The following PXN variants were observed in gnomAD, a reference collection of about 807,000 sequenced individuals.
PXN encodes the protein paxillin.
Under a neutral mutation model 103.6 loss-of-function variants are expected in PXN, and 61 were observed. That is an observed-to-expected ratio of 0.59 (90% CI 0.48 to 0.73). The LOEUF is 0.73. PXN is among the 30% of genes least tolerant of loss of function. PXN has a pLI of 0.00. For missense variants in PXN, 1,274 were observed against 1,460.3 expected (o/e 0.87, Z 2.08); for synonymous variants, 562 against 607.8 (o/e 0.92, Z 1.11).
chr12:120,221,901 G>A lies in PXN; in HGVS notation c.696-143C>T, dbSNP rs1885271921. The A allele has an allele frequency of 1.6e-6, 2 of 1,283,016 alleles. No individual in the cohort carries two copies. The highest frequency in any genetic ancestry group is 5.3e-5 in the Admixed American group (2 of 37,590). The allele number at this position is 1,283,016 out of a possible 1,614,324, so 79.5% of individuals were successfully genotyped here. On this transcript the variant is annotated intron_variant, in intron 5 of 14. Transcript: ENST00000637617. The surrounding 1 kb of genome is among the most constrained non-coding windows in gnomAD (Gnocchi z 6.6). ...CCACCAGCTCCCTGTCTCTCCTGGG[G>A]ACCCATCACTGGGTCAGAAGAAAGG...
chr12:120,233,863 CTGAATGTGT>C (rs1888526415), intron 1 of PXN, among the ~76,000 whole-genome samples: 2 of 152,158 alleles, frequency 1.3e-5, no homozygotes, highest in South Asian at 4.2e-4. Flanking sequence ...CTTCACAATA[CTGAATGTGT>C]CCCACCACTA....
In PXN at chr12:120,265,725, C is replaced by G. The variant is rs1894611392; in HGVS notation, c.-96G>C. The G allele has an allele frequency of 9.1e-6, 10 of 1,095,246 alleles. No individual in the cohort carries two copies. The South Asian group carries it at 3.0e-4, about 33-fold the overall frequency. 67.8% of individuals were successfully genotyped at this position (1,095,246 alleles called of 1,614,324 possible). On this transcript the variant is annotated 5_prime_UTR_variant, in exon 1 of 15. Coordinates refer to ENST00000637617, the MANE Select transcript of PXN (RefSeq NM_001385981.1). This position sits in a 1 kb window ranked among gnomAD's most constrained non-coding sequence, Gnocchi z 5.7. ...AACTTTTCCGCCGCGAGCCTCGGCC[C>G]GGAACGGAACGCGCCGCCGCCGCGC...
chr12:120,260,127 T>C (rs567030909), intron 1 of PXN, among the ~76,000 whole-genome samples: 1 of 151,744 alleles, frequency 6.6e-6, no homozygotes, highest in Non-Finnish European at 1.5e-5. Context: ...ACTGGAGAGG[T>C]GACCAGGGAG....
intron 1 of PXN, chr12:120,227,165 G>T: frequency 1.0e-6 from 1 of 989,494 alleles, no homozygotes; most frequent in African/African-American, 1.7e-5. Context: ...ATTGTAGCAT[G>T]TCCCAGCCTG....
At chr12:120,237,797 C>T (rs956802882) in intron 1 of PXN, among the ~76,000 whole-genome samples, 8 of 152,214 alleles carry the variant, frequency 5.3e-5, no homozygotes, top group Admixed American at 6.5e-5. Flanking sequence ...CAGCTGGCGT[C>T]CCCACAGAGA....
chr12:120,215,818 A>G lies in PXN; in HGVS notation c.2302-157T>C. ...ATTGGGGGAAAAAATCTGGAGAAAAAGAGCCCTGAGAGAGAGGCCTAGGGA... is the reference window on the plus strand; with the variant it reads ...ATTGGGGGAAAAAATCTGGAGAAAAGGAGCCCTGAGAGAGAGGCCTAGGGA... On this transcript the variant is annotated intron_variant, in intron 9 of 14. Transcript: ENST00000637617. The surrounding 1 kb of genome is among the most constrained non-coding windows in gnomAD (Gnocchi z 4.9). The G allele has an allele frequency of 7.8e-7, 1 of 1,278,106 alleles. No individual in the cohort carries two copies. Among genetic ancestry groups the G allele is most frequent in the Non-Finnish European group, 1.0e-6 (1 of 965,300 alleles). 79.2% of individuals were successfully genotyped at this position (1,278,106 alleles called of 1,614,324 possible). A position where few individuals can be genotyped will look rare whatever the true frequency, so the allele number is the denominator to read the frequency against.
Position 120,221,752 on chromosome 12 carries a change from G to A in PXN, c.702C>T (p.Ala234=). 2 of 1,569,690 alleles carry A rather than the reference G, an allele frequency of 1.3e-6. No individual in the cohort carries two copies. Among genetic ancestry groups the A allele is most frequent in the South Asian group, 1.2e-5 (1 of 85,446 alleles). ...TCATCTCGCCCTGGTTCACAGTGAT[G>A]GCAGGGCTGCAGGGTGGGCACAGCA... ...LESSVPSPVP[A]ITVNQGEMSS... The change falls in exon 6 of 15, where the codon GCC becomes GCT. Residue 234 remains alanine (A), a synonymous_variant. Transcript: ENST00000637617. The surrounding 1 kb of genome is among the most constrained non-coding windows in gnomAD (Gnocchi z 6.6).
Position 120,248,433 on chromosome 12 carries a change from A to T in PXN, c.13+17184T>A, listed in dbSNP as rs572515191. ...ACTGCCCTCAGCAGACACCTGGTTG[A>T]CTATGTTTCCTCAATTACTGCACCC... On this transcript the variant is annotated intron_variant, in intron 1 of 14. Coordinates refer to ENST00000637617, the MANE Select transcript of PXN (RefSeq NM_001385981.1). Among the ~76,000 whole-genome samples the T allele has an allele frequency of 7.4e-5, 11 of 149,336 alleles. No individual in the cohort carries two copies. In the South Asian group the frequency reaches 2.4e-3, roughly 32 times the overall value.
At chr12:120,263,936 T>C (rs1172112484) in intron 1 of PXN, among the ~76,000 whole-genome samples, 1 of 151,806 alleles carries the variant, frequency 6.6e-6, no homozygotes, top group African/African-American at 2.4e-5. Flanking sequence ...GTAACTTTGC[T>C]CCCAGTTCCC....
chr12:120,238,980 T>C (rs141038241), intron 1 of PXN, among the ~76,000 whole-genome samples: 14 of 152,322 alleles, frequency 9.2e-5, no homozygotes, highest in Middle Eastern at 6.8e-3. Context: ...GGGAGCTTCG[T>C]GGTCAGCTAG....
chr12:120,216,899 C>A lies in PXN; in HGVS notation c.1934G>T (p.Gly645Val). 6.6e-7 allele frequency: 1 copy of A among 1,518,942 alleles called. No individual in the cohort carries two copies. Among genetic ancestry groups the A allele is most frequent in the Non-Finnish European group, 8.8e-7 (1 of 1,137,354 alleles). 94.1% of individuals were successfully genotyped at this position (1,518,942 alleles called of 1,614,324 possible). Residue 645 changes from glycine (G) to valine (V), a missense_variant, in exon 8 of 15, where the codon GGC becomes GTC. Physicochemically the swap from Gly to Val is moderately radical, Grantham distance 109. Coordinates refer to ENST00000637617, the MANE Select transcript of PXN (RefSeq NM_001385981.1). The surrounding 1 kb of genome is among the most constrained non-coding windows in gnomAD (Gnocchi z 5.1). ...ACGTGGCTGCACAGTGATGATGACGCCCTCGGTCAGCCAGTCCTGGGCAGA... is the reference window on the plus strand; with the variant it reads ...ACGTGGCTGCACAGTGATGATGACGACCTCGGTCAGCCAGTCCTGGGCAGA... Reference protein sequence around the residue: ...GPSAQDWLTEGVIITVQPRGK... With the variant: ...GPSAQDWLTEVVIITVQPRGK...
chr12:120,212,446 GGT>G lies in PXN; in HGVS notation c.3112_3113del (p.Thr1038ArgfsTer64). 1 of 1,614,024 alleles carries G rather than the reference GGT, an allele frequency of 6.2e-7. No homozygotes were observed. The highest frequency in any genetic ancestry group is 8.5e-7 in the Non-Finnish European group (1 of 1,179,898). On this transcript the variant is annotated frameshift_variant, in exon 15 of 15. Coordinates refer to ENST00000637617, the MANE Select transcript of PXN (RefSeq NM_001385981.1). LOFTEE classifies it high-confidence loss of function. This position sits in a 1 kb window ranked among gnomAD's most constrained non-coding sequence, Gnocchi z 7.2. The stretch of plus-strand genomic sequence containing the variant: ...CGGGGTGGAACTTCTTGGCCATGGC[GGT>G]GATGCAGCGGCCGGTGATGGGCTTC... ...CQKPITGRCI[T>X]AMAKKFHPEH...
Position 120,217,284 on chromosome 12 carries a change from T to G in PXN, c.1717-168A>C, listed in dbSNP as rs1594362087. ...AGGGGGCAGATTGGACCGGTGGAGG[T>G]GGGTAGAGGCAAGGGGAGGGGGCAG... is the stretch of plus-strand genomic sequence containing the variant. On this transcript the variant is annotated intron_variant, in intron 7 of 14. Transcript: ENST00000637617. This position sits in a 1 kb window ranked among gnomAD's most constrained non-coding sequence, Gnocchi z 4.1. Among the ~76,000 whole-genome samples, 1 of 149,404 alleles carries G rather than the reference T, an allele frequency of 6.7e-6. No individual in the cohort carries two copies. Among genetic ancestry groups the G allele is most frequent in the Non-Finnish European group, 1.5e-5 (1 of 67,224 alleles).
Position 120,213,147 on chromosome 12 carries a change from G to A in PXN, c.2980-567C>T, listed in dbSNP as rs1367385075. 1 of 152,644 alleles carries A rather than the reference G, an allele frequency of 6.6e-6. No homozygotes were observed. The highest frequency in any genetic ancestry group is 1.5e-5 in the Non-Finnish European group (1 of 68,416). The allele number at this position is 152,644 out of a possible 1,614,324, so 9.5% of individuals were successfully genotyped here. On this transcript the variant is annotated intron_variant, in intron 14 of 14. Coordinates refer to ENST00000637617, the MANE Select transcript of PXN (RefSeq NM_001385981.1). The surrounding 1 kb of genome is among the most constrained non-coding windows in gnomAD (Gnocchi z 4.2). Reference sequence around the variant, plus strand: ...TAATCCCAGCACTTTGGGAGGCCAAGGGAGGCGGATCACCTGAGGTCAGGA... The same window carrying A: ...TAATCCCAGCACTTTGGGAGGCCAAAGGAGGCGGATCACCTGAGGTCAGGA...
intron 1 of PXN, among the ~76,000 whole-genome samples, chr12:120,249,261 G>A (rs376178700): frequency 1.4e-4 from 21 of 151,728 alleles, no homozygotes; most frequent in East Asian, 7.7e-4. Flanking sequence ...AGAAGATGAC[G>A]GCCACAAACT....
rs1887542452 is a variant in PXN, at chr12:120,229,267, C to T, written c.14-4890G>A. On this transcript the variant is annotated intron_variant, in intron 1 of 14. Coordinates refer to ENST00000637617, the MANE Select transcript of PXN (RefSeq NM_001385981.1). This position sits in a 1 kb window ranked among gnomAD's most constrained non-coding sequence, Gnocchi z 4.0. ...CAATTAAAACCTTCCGCCCCCACCCCCGACTGCAGCACAGAAACAAGCCAG... is the reference window on the plus strand; with the variant it reads ...CAATTAAAACCTTCCGCCCCCACCCTCGACTGCAGCACAGAAACAAGCCAG... Among the ~76,000 whole-genome samples, 2 of 152,162 alleles carry T rather than the reference C, an allele frequency of 1.3e-5. No individual in the cohort carries two copies. The highest frequency in any genetic ancestry group is 1.3e-4 in the Admixed American group (2 of 15,278).
In PXN at chr12:120,211,661, G is replaced by C. The variant is rs1372816893; in HGVS notation, c.*653C>G. On this transcript the variant is annotated 3_prime_UTR_variant, in exon 15 of 15. Coordinates refer to ENST00000637617, the MANE Select transcript of PXN (RefSeq NM_001385981.1). ...GTCCCGGAGACGGAGGAAGTGACTAGAAAACATTATTGCTGGAGAGGCTTT... is the reference window on the plus strand; with the variant it reads ...GTCCCGGAGACGGAGGAAGTGACTACAAAACATTATTGCTGGAGAGGCTTT... 3 of 308,942 alleles carry C rather than the reference G, an allele frequency of 9.7e-6. No individual in the cohort carries two copies. Among genetic ancestry groups the C allele is most frequent in the Non-Finnish European group, 2.0e-5 (3 of 153,472 alleles). 19.1% of individuals were successfully genotyped at this position (308,942 alleles called of 1,614,324 possible).
At chr12:120,237,766 G>A (rs896672341) in intron 1 of PXN, among the ~76,000 whole-genome samples, 1 of 152,182 alleles carries the variant, frequency 6.6e-6, no homozygotes, top group African/African-American at 2.4e-5. Context: ...CAGGGCTCTA[G>A]GAAATGCTGA....
chr12:120,259,925 A>C lies in PXN; in HGVS notation c.13+5692T>G, dbSNP rs376362591. The stretch of plus-strand genomic sequence containing the variant: ...AGGACATCCTTCATTCTCCACCATA[A>C]AGTTTTCAACAACTCCCTCCTCTGG... On this transcript the variant is annotated intron_variant, in intron 1 of 14. Coordinates refer to ENST00000637617, the MANE Select transcript of PXN (RefSeq NM_001385981.1). Among the ~76,000 whole-genome samples the C allele has an allele frequency of 3.3e-5, 5 of 152,200 alleles. No individual in the cohort carries two copies. The East Asian group carries it at 9.7e-4, about 29-fold the overall frequency.
Sources: allele counts gnomAD v4.1 joint callset (sites outside exome capture counted in the v4.1 genomes callset), GRCh38; gene constraint gnomAD v4.1.1; non-coding constraint Gnocchi (gnomAD v3.1); transcripts MANE v1.5; gene names NCBI Gene and HGNC (gene_info 2026-07-23, HGNC 2026-07-21).